CCDC14: variants seen among roughly 807,000 people sequenced by gnomAD.
CCDC14 encodes coiled-coil domain containing 14.
Under a neutral mutation model 81.4 loss-of-function variants are expected in CCDC14, and 71 were observed. The observed-to-expected ratio is 0.87, with a 90% CI of 0.72 to 1.06. The LOEUF is 1.06. Ranked by LOEUF, CCDC14 falls within the 50% of genes least tolerant of loss-of-function variation. The pLI is 0.00. For missense variants in CCDC14, 1,046 were observed against 1,047.3 expected, an observed-to-expected ratio of 1.00 and a Z score of 0.02; for synonymous variants, 332 against 364.8, an observed-to-expected ratio of 0.91 and a Z score of 1.03.
Position 123,914,322 on chromosome 3 carries a change from G to A in CCDC14, c.*457C>T. ...TATTTCACCAACAACACTGGCCTGTGGCACACAGCATGTTTAATAAAAACA... is the reference window on the plus strand; with the variant it reads ...TATTTCACCAACAACACTGGCCTGTAGCACACAGCATGTTTAATAAAAACA... On this transcript the variant is annotated 3_prime_UTR_variant, in exon 13 of 13. Transcript: ENST00000409697. 1 of 984,598 alleles carries A rather than the reference G, an allele frequency of 1.0e-6. No individual in the cohort carries two copies. The highest frequency in any genetic ancestry group is 4.7e-5 in the South Asian group (1 of 21,256). The allele number at this position is 984,598 out of a possible 1,614,324, so 61.0% of individuals were successfully genotyped here. A position where few individuals can be genotyped will look rare whatever the true frequency, so the allele number is the denominator to read the frequency against.
At chr3:123,903,297 AACACACACACACACACACAC>A (rs57466490) in intron 5 of CCDC14, among the ~76,000 whole-genome samples, 69 of 144,132 alleles carry the variant, frequency 4.8e-4, no homozygotes, top group Middle Eastern at 3.6e-3. Context: ...TTATTTTTCA[AACACACACACACACACACAC>A]ACACACACAC....
intron 12 of CCDC14, among the ~76,000 whole-genome samples, chr3:123,918,262 C>T (rs959572856): frequency 3.9e-5 from 6 of 152,198 alleles, no homozygotes; most frequent in Admixed American, 1.3e-4. Flanking sequence ...CTCTTAAACA[C>T]ACTGTATTTT....
chr3:123,959,966 C>G (rs1482037597), intron 1 of CCDC14, among the ~76,000 whole-genome samples: 8 of 151,786 alleles, frequency 5.3e-5, no homozygotes. Context: ...AAAAACAAAC[C>G]TGGAATAAGC....
intron 1 of CCDC14, chr3:123,957,011 T>C (rs866568274): frequency 2.8e-6 from 1 of 355,704 alleles, no homozygotes; most frequent in African/African-American, 2.1e-5. Context: ...AGAAACTTTA[T>C]ATAACTGAAA....
intron 1 of CCDC14, among the ~76,000 whole-genome samples, chr3:123,959,103 CA>C (rs1305193035): frequency 6.6e-6 from 1 of 152,166 alleles, no homozygotes; most frequent in Non-Finnish European, 1.5e-5. Context: ...GCAATGAACA[CA>C]AGAGTGCAAA....
chr3:123,932,130 A>G (rs2148860036), intron 10 of CCDC14, among the ~76,000 whole-genome samples: 1 of 152,340 alleles, frequency 6.6e-6, no homozygotes, highest in South Asian at 2.1e-4. Context: ...ATTGTATTAG[A>G]ATCTGAATAT....
chr3:123,938,113 T>TAA (rs1291135401), intron 9 of CCDC14, among the ~76,000 whole-genome samples: 2 of 151,848 alleles, frequency 1.3e-5, no homozygotes, highest in Non-Finnish European at 2.9e-5. Context: ...TTGGGTACTT[T>TAA]AGAGTCTTCA....
downstream of CCDC14, among the ~76,000 whole-genome samples, chr3:123,911,656 T>C (rs1442619712): frequency 6.6e-6 from 1 of 152,198 alleles, no homozygotes; most frequent in African/African-American, 2.4e-5. Flanking sequence ...AAGGACAGAA[T>C]GTCTGTCCTG....
chr3:123,944,715 GGAA>G (rs1387615712), intron 9 of CCDC14, 131 bp downstream of exon 9: 1 of 569,080 alleles, frequency 1.8e-6, no homozygotes, highest in Non-Finnish European at 2.9e-6. Flanking sequence ...TGAAAAATGA[GGAA>G]GAAAAGTAGA....
intron 5 of CCDC14, among the ~76,000 whole-genome samples, chr3:123,903,012 C>T (rs886177034): frequency 6.6e-6 from 1 of 151,998 alleles, no homozygotes; most frequent in Non-Finnish European, 1.5e-5. Flanking sequence ...TGTTTCCCTC[C>T]CTGTGTCTAT....
Position 123,915,618 on chromosome 3 carries a change from G to T in CCDC14, c.1879C>A (p.His627Asn). 6.2e-7 allele frequency: 1 copy of T among 1,614,014 alleles called. No homozygotes were observed. Among genetic ancestry groups the T allele is most frequent in the South Asian group, 1.1e-5 (1 of 91,088 alleles). ...NNLTKSLLNI[H>N]DKQLQHDPAP... The stretch of plus-strand genomic sequence containing the variant: ...GGGTCATGTTGAAGTTGTTTATCAT[G>T]AATGTTCAAGAGTGATTTGGTAAGG... The change falls in exon 13 of 13, where the codon CAT (histidine) becomes AAT (asparagine). Residue 627 changes from histidine (H) to asparagine (N), a missense_variant. Transcript: ENST00000409697.
At chr3:123,952,327 G>T (rs946185123) in intron 5 of CCDC14, among the ~76,000 whole-genome samples, 1 of 152,034 alleles carries the variant, frequency 6.6e-6, no homozygotes. Context: ...TTTGAAATAC[G>T]TAAGAACACC....
the CCDC14 span, among the ~76,000 whole-genome samples, chr3:123,888,352 G>T: frequency 6.6e-6 from 1 of 151,988 alleles, no homozygotes; most frequent in South Asian, 2.1e-4. Flanking sequence ...AAGGAGATTT[G>T]GTCCAGACAG....
intron 12 of CCDC14, among the ~76,000 whole-genome samples, chr3:123,921,270 T>C (rs184237316): frequency 2.0e-5 from 3 of 152,302 alleles, no homozygotes; most frequent in Admixed American, 1.3e-4. Flanking sequence ...TCAAAAACTG[T>C]ATGCTGCTTA....
rs776204576 is a variant in CCDC14, at chr3:123,947,200, G to C, written c.804C>G (p.Pro268=). Residue 268 remains proline (P), a synonymous_variant, in exon 8 of 13, where the codon CCC becomes CCG. Transcript: ENST00000409697. The part of the protein sequence containing the change: ...NTSPGVPCSL[P]KTDISAIPTL... Reference sequence around the variant, plus strand: ...TTGGAATAGCTGATATGTCAGTTTTGGGCAGGCTACATGGAACTCCAGGAC... The same window carrying C: ...TTGGAATAGCTGATATGTCAGTTTTCGGCAGGCTACATGGAACTCCAGGAC... 6.2e-7 allele frequency: 1 copy of C among 1,613,932 alleles called. No individual in the cohort carries two copies. Among genetic ancestry groups the C allele is most frequent in the Admixed American group, 1.7e-5 (1 of 60,000 alleles).
chr3:123,895,137 T>A (rs1479399014), downstream of CCDC14, among the ~76,000 whole-genome samples: 1 of 152,148 alleles, frequency 6.6e-6, no homozygotes, highest in Admixed American at 6.5e-5. Flanking sequence ...GTAGAAAATT[T>A]TCCTTGGCTT....
At chr3:123,890,456 T>C in the CCDC14 span, among the ~76,000 whole-genome samples, 15 of 152,222 alleles carry the variant, frequency 9.9e-5, no homozygotes, top group African/African-American at 3.1e-4. Flanking sequence ...ACTTCCTAGA[T>C]ACAATGAAAG....
At position 123,939,712 on chromosome 3, in the gene CCDC14, A is replaced by G. The variant is rs140457135; in HGVS notation, c.1343+5137T>C. On this transcript the variant is annotated intron_variant, in intron 9 of 12. Transcript: ENST00000409697. The stretch of plus-strand genomic sequence containing the variant: ...AGCTTATCTACCATGCATTCAGTCA[A>G]TTTAACAAATATTTGTTAGAGTGAG... Among the ~76,000 whole-genome samples, 20 of 151,966 alleles carry G rather than the reference A, an allele frequency of 1.3e-4. No individual in the cohort carries two copies. In the East Asian group the frequency reaches 3.9e-3, roughly 29 times the overall value.
At chr3:123,920,095 G>C (rs779985339) in intron 12 of CCDC14, among the ~76,000 whole-genome samples, 5 of 152,078 alleles carry the variant, frequency 3.3e-5, no homozygotes, top group Non-Finnish European at 7.4e-5. Flanking sequence ...AGATATCTTA[G>C]AGATAAAAAA....
Sources: allele counts gnomAD v4.1 joint callset (sites outside exome capture counted in the v4.1 genomes callset), GRCh38; gene constraint gnomAD v4.1.1; transcripts MANE v1.5; gene names NCBI Gene and HGNC (gene_info 2026-07-23, HGNC 2026-07-21).